SNAP47: variants seen among roughly 807,000 people sequenced by gnomAD.
The protein encoded by SNAP47 is synaptosomal-associated protein 47.
In SNAP47, 20 loss-of-function variants were observed where a neutral mutation model predicts 31.4. The observed-to-expected ratio is 0.64, with a 90% CI of 0.45 to 0.93. The LOEUF (loss-of-function observed/expected upper bound fraction) is 0.93. Among genes scored for constraint, SNAP47 ranks in the 40% least tolerant of loss-of-function variants. The probability of loss-of-function intolerance (pLI) is 0.00; values close to 1 mark genes in which losing one functional copy is unlikely to be tolerated. For missense variants in SNAP47, 492 were observed against 528.5 expected, an observed-to-expected ratio of 0.93 and a Z score of 0.68; for synonymous variants, 194 against 213.4, an observed-to-expected ratio of 0.91 and a Z score of 0.79.
At chr1:227,743,715 C>G (rs1412645804) in intron 1 of SNAP47, 1 of 152,238 alleles carries the variant, frequency 6.6e-6, no homozygotes. Flanking sequence ...GGACTGTGTC[C>G]TTTGTCTCCT....
chr1:227,750,076 T>C (rs1319827801), intron 2 of SNAP47, among the ~76,000 whole-genome samples: 1 of 152,218 alleles, frequency 6.6e-6, no homozygotes, highest in Non-Finnish European at 1.5e-5. Flanking sequence ...TGCATCAGTA[T>C]TGCATGCAGG....
chr1:227,780,387 G>A (rs747484583), intron 4 of SNAP47, 140 bp from the exon 5 acceptor site: 86 of 1,242,274 alleles, frequency 6.9e-5, no homozygotes, highest in Non-Finnish European at 9.2e-5. Flanking sequence ...CTGGGCTGCC[G>A]GCTCCCTCCT....
rs1662064705 is a variant in SNAP47 at position 227,747,787 on chromosome 1, G to A, written c.51G>A (p.Glu17=). The A allele has an allele frequency of 3.7e-6, 6 of 1,614,172 alleles. No individual in the cohort carries two copies. In the East Asian group the frequency reaches 1.3e-4, roughly 36 times the overall value. Residue 17 remains glutamate (E), a synonymous_variant, in exon 2 of 5, where the codon GAG becomes GAA. Transcript: ENST00000617596. ...CCTGGCCGTGCACCTACTACCTGGA[G>A]CCCAAGAGGCGATGGGTTACTGGAC... is the stretch of plus-strand genomic sequence containing the variant. ...IHTWPCTYYL[E]PKRRWVTGQL... is the part of the protein sequence containing the mutation.
intron 2 of SNAP47, among the ~76,000 whole-genome samples, chr1:227,755,643 T>C (rs1214878423): frequency 6.6e-6 from 1 of 152,190 alleles, no homozygotes; most frequent in Non-Finnish European, 1.5e-5. Context: ...CTCGGCCTCC[T>C]GAAGTGCTGG....
At chr1:227,758,479 G>C (rs895114270) in intron 2 of SNAP47, among the ~76,000 whole-genome samples, 2 of 151,936 alleles carry the variant, frequency 1.3e-5, no homozygotes, top group African/African-American at 4.8e-5. Context: ...GCATGCGGAC[G>C]AGAGTGGGTG....
rs1663105258 is a variant in SNAP47, at chr1:227,762,186, T to C, written c.988+2701T>C. 6.6e-6 allele frequency among the ~76,000 whole-genome samples: 1 copy of C among 152,196 alleles called. No individual in the cohort carries two copies. Among genetic ancestry groups the C allele is most frequent in the African/African-American group, 2.4e-5 (1 of 41,448 alleles). Reference sequence around the variant, plus strand: ...CTGCATGTGTGAGATGGACTGTTGCTCCTGTGGGGGACTGTTGTGCCACCT... The same window carrying C: ...CTGCATGTGTGAGATGGACTGTTGCCCCTGTGGGGGACTGTTGTGCCACCT... On this transcript the variant is annotated intron_variant, in intron 3 of 4. Coordinates refer to ENST00000617596, the MANE Select transcript of SNAP47 (RefSeq NM_053052.4). The surrounding 1 kb of genome is among the most constrained non-coding windows in gnomAD (Gnocchi z 4.2).
At chr1:227,737,503 A>G (rs1438061779) in intron 1 of SNAP47, among the ~76,000 whole-genome samples, 1 of 152,250 alleles carries the variant, frequency 6.6e-6, no homozygotes, top group East Asian at 1.9e-4. Flanking sequence ...ATCTCATTCC[A>G]GACCAAACAG....
chr1:227,767,213 C>A, intron 4 of SNAP47, 130 bp downstream of exon 4: 1 of 1,360,474 alleles, frequency 7.4e-7, no homozygotes, highest in Non-Finnish European at 1.0e-6. Context: ...CAAGGAGGAG[C>A]TGCTGGCCTC....
At chr1:227,735,154 G>C, upstream of SNAP47, 2 of 1,581,652 alleles carry the variant, frequency 1.3e-6, no homozygotes, top group South Asian at 1.1e-5. Flanking sequence ...AGTCGGCGTA[G>C]GAGAAGGCGC....
intron 3 of SNAP47, among the ~76,000 whole-genome samples, chr1:227,760,726 A>G (rs1663006660): frequency 6.6e-6 from 1 of 152,164 alleles, no homozygotes; most frequent in Admixed American, 6.5e-5. Flanking sequence ...TTGGCCCTGC[A>G]GGTTTTGCTC....
At chr1:227,751,976 A>T (rs1169604112) in intron 2 of SNAP47, among the ~76,000 whole-genome samples, 3 of 151,944 alleles carry the variant, frequency 2.0e-5, no homozygotes, top group Non-Finnish European at 4.4e-5. Context: ...CGTGTTAACC[A>T]GGATGGTTTC....
intron 1 of SNAP47, among the ~76,000 whole-genome samples, chr1:227,729,608 C>A (rs1306956403): frequency 6.6e-6 from 1 of 152,130 alleles, no homozygotes; most frequent in African/African-American, 2.4e-5. Flanking sequence ...CAAGGAGCTG[C>A]CCCTTCGGCT....
At position 227,748,004 on chromosome 1, in the gene SNAP47, G is replaced by A; in HGVS notation, c.268G>A (p.Val90Ile). The A allele has an allele frequency of 6.2e-7, 1 of 1,614,248 alleles. No homozygotes were observed. The highest frequency in any genetic ancestry group is 8.5e-7 in the Non-Finnish European group (1 of 1,180,052). ...CTCCCTGCGGCCAAGTCGAAATGTG[G>A]TCTTCAGCATCATCGAGCATTTCTG... The part of the protein sequence containing the change: ...FSSLRPSRNV[V>I]FSIIEHFWRE... The change falls in exon 2 of 5, where the codon GTC (valine) becomes ATC (isoleucine). Residue 90 changes from valine to isoleucine, a missense_variant. Coordinates refer to ENST00000617596, the MANE Select transcript of SNAP47 (RefSeq NM_053052.4).
chr1:227,764,499 T>C (rs950502857), intron 3 of SNAP47, among the ~76,000 whole-genome samples: 2 of 152,122 alleles, frequency 1.3e-5, no homozygotes, highest in African/African-American at 4.8e-5. Context: ...CTGGGCACGG[T>C]GGTTCATGCC....
upstream of SNAP47, chr1:227,733,074 C>T: frequency 6.3e-7 from 1 of 1,598,334 alleles, no homozygotes. Flanking sequence ...GGCAGGTGCC[C>T]CCTGACCAAC....
At chr1:227,744,008 G>A (rs1051780474) in intron 1 of SNAP47, 1 of 152,214 alleles carries the variant, frequency 6.6e-6, no homozygotes, top group Non-Finnish European at 1.5e-5. Flanking sequence ...GAGGTCCCTG[G>A]TGTGAAGTGG....
chr1:227,780,569 G>C lies in SNAP47; in HGVS notation c.1156G>C (p.Glu386Gln), dbSNP rs1664405267. 1 of 1,614,212 alleles carries C rather than the reference G, an allele frequency of 6.2e-7. No homozygotes were observed. Among genetic ancestry groups the C allele is most frequent in the South Asian group, 1.1e-5 (1 of 91,090 alleles). The change falls in exon 5 of 5, where the codon GAG (glutamate) becomes CAG (glutamine). Residue 386 changes from glutamate (E) to glutamine (Q), a missense_variant. By Grantham distance (29) the Glu-to-Gln change is conservative. Transcript: ENST00000617596. ...MKGLALEAES[E>Q]LERQDEALDG... ...GGGGCTGGCCCTGGAGGCCGAGAGT[G>C]AGCTGGAGAGACAAGACGAAGCCCT...
Position 227,747,878 on chromosome 1 carries a change from T to C in SNAP47, c.142T>C (p.Phe48Leu), listed in dbSNP as rs757734576. ...TDSTGEILVS[F>L]PLSSIVEIKK... ...CAGCACTGGAGAGATTCTGGTCAGC[T>C]TCCCCCTCTCCAGCATAGTTGAGAT... Residue 48 changes from phenylalanine (F) to leucine (L), a missense_variant, in exon 2 of 5, where the codon TTC becomes CTC. Transcript: ENST00000617596. 1.2e-6 allele frequency: 2 copies of C among 1,614,188 alleles called. No homozygotes were observed. Among genetic ancestry groups the C allele is most frequent in the Non-Finnish European group, 1.7e-6 (2 of 1,180,024 alleles).
At chr1:227,730,945 G>A (rs995703252), upstream of SNAP47, 1 of 152,296 alleles carries the variant, frequency 6.6e-6, no homozygotes, top group Non-Finnish European at 1.5e-5. Context: ...CCCAAGCTCA[G>A]AGGTTACCGG....
Sources: allele counts gnomAD v4.1 joint callset (sites outside exome capture counted in the v4.1 genomes callset), GRCh38; gene constraint gnomAD v4.1.1; non-coding constraint Gnocchi (gnomAD v3.1); transcripts MANE v1.5; gene names NCBI Gene and HGNC (gene_info 2026-07-23, HGNC 2026-07-21).